The following KAZN variants were observed in gnomAD, a reference collection of about 807,000 sequenced individuals.
KAZN encodes the protein kazrin.
In KAZN, 40 loss-of-function variants were observed where a neutral mutation model predicts 87.4. That is an observed-to-expected ratio of 0.46 (90% CI 0.36 to 0.60). The LOEUF (loss-of-function observed/expected upper bound fraction) is 0.60. Ranked by LOEUF, KAZN falls within the 20% of genes least tolerant of loss-of-function variation. KAZN has a pLI of 0.00. For synonymous variants in KAZN, 466 were observed against 458.3 expected (o/e 1.02, Z -0.22); for missense variants, 898 against 1,073.9 (o/e 0.84, Z 2.29).
chr1:14,379,945 T>C lies in KAZN; in HGVS notation c.249+199353T>C, dbSNP rs911772744. ...GACCCAGTGTTATGCTGGCTTCAGG[T>C]CTAACCCAGCACAGTCCCGGTGGTG... On this transcript the variant is annotated intron_variant, in intron 2 of 16. Coordinates refer to the KAZN transcript ENST00000636203. Among the ~76,000 whole-genome samples, 5 of 152,200 alleles carry C rather than the reference T, an allele frequency of 3.3e-5. No homozygotes were observed. The East Asian group carries it at 9.7e-4, about 29-fold the overall frequency.
rs1553148134 is a variant in KAZN at position 14,867,724 on chromosome 1, ACC to A, written c.227-92950_227-92949del. ...TGCTTTACTCGGTGTCTTTGAAGAC[ACC>A]CCCCCCCCCACCCTGGGCATGGAGG... is the stretch of plus-strand genomic sequence containing the variant. On this transcript the variant is annotated intron_variant, in intron 1 of 14. Transcript: ENST00000376030. Among the ~76,000 whole-genome samples the A allele has an allele frequency of 7.1e-4, 76 of 107,442 alleles. 1 individual carries two copies. Among genetic ancestry groups the A allele is most frequent in the African/African-American group, 2.2e-3 (59 of 26,966 alleles). 70.5% of individuals were successfully genotyped at this position (107,442 alleles called of 152,430 possible).
At chr1:13,906,110 A>T (rs575777039) in intron 1 of KAZN, among the ~76,000 whole-genome samples, 3 of 152,248 alleles carry the variant, frequency 2.0e-5, no homozygotes, top group African/African-American at 7.2e-5. Flanking sequence ...AGCTTCAATC[A>T]CATCATTTGA....
Position 13,986,216 on chromosome 1 carries a change from C to T in KAZN, c.91+92460C>T, listed in dbSNP as rs116822370. On this transcript the variant is annotated intron_variant, in intron 1 of 16. Transcript: ENST00000636203. ...ATGAAAGGATGTCAAAATTTGATCA[C>T]GACATAAGATGATAAAACTGTAAAT... 5.3e-3 allele frequency among the ~76,000 whole-genome samples: 807 copies of T among 152,180 alleles called. 11 individuals carry two copies. Among genetic ancestry groups the T allele is most frequent in the African/African-American group, 0.018 (767 of 41,500 alleles).
chr1:14,485,945 G>A (rs1410827864), intron 2 of KAZN, among the ~76,000 whole-genome samples: 4 of 151,090 alleles, frequency 2.6e-5, no homozygotes, highest in African/African-American at 9.7e-5. Flanking sequence ...ACTGCCCTGA[G>A]CAGCTACTCT....
At chr1:13,923,965 T>A (rs1570290701) in intron 1 of KAZN, among the ~76,000 whole-genome samples, 1 of 151,620 alleles carries the variant, frequency 6.6e-6, no homozygotes, top group East Asian at 1.9e-4. Context: ...GGGTCTCCCC[T>A]GGATGGCCCG....
At chr1:15,060,037 G>C (rs528538730) in intron 5 of KAZN, 135 bp from the exon 6 acceptor site, 28 of 1,179,010 alleles carry the variant, frequency 2.4e-5, no homozygotes, top group Non-Finnish European at 3.3e-5. Flanking sequence ...TGGAGAACCA[G>C]GCAAGTCTCT....
At chr1:14,565,086 C>T (rs1674478411) in intron 2 of KAZN, among the ~76,000 whole-genome samples, 1 of 152,140 alleles carries the variant, frequency 6.6e-6, no homozygotes, top group African/African-American at 2.4e-5. Context: ...GCCTACCCAC[C>T]TCCTAGCTTG....
At chr1:14,281,130 T>A (rs891387391) in intron 2 of KAZN, among the ~76,000 whole-genome samples, 17 of 152,208 alleles carry the variant, frequency 1.1e-4, no homozygotes, top group African/African-American at 4.1e-4. Context: ...CACTATGCCA[T>A]GTCAAGAGGC....
intron 2 of KAZN, among the ~76,000 whole-genome samples, chr1:14,460,598 C>A (rs1461802763): frequency 6.6e-6 from 1 of 152,192 alleles, no homozygotes; most frequent in Non-Finnish European, 1.5e-5. Flanking sequence ...CTCCTCTCCT[C>A]CTCTATGACA....
chr1:14,180,191 G>A (rs926590935), intron 1 of KAZN, among the ~76,000 whole-genome samples: 3 of 152,020 alleles, frequency 2.0e-5, no homozygotes, highest in African/African-American at 4.8e-5. Flanking sequence ...ACCATGTCAG[G>A]CTTTGCTCAC....
At chr1:13,954,297 G>A (rs982932693) in intron 1 of KAZN, among the ~76,000 whole-genome samples, 3 of 152,196 alleles carry the variant, frequency 2.0e-5, no homozygotes, top group Non-Finnish European at 4.4e-5. Context: ...GTCTGCATTG[G>A]CATTGCTTCC....
intron 1 of KAZN, among the ~76,000 whole-genome samples, chr1:14,839,988 C>G (rs370124428): frequency 6.4e-4 from 98 of 152,172 alleles, no homozygotes; most frequent in African/African-American, 2.3e-3. Flanking sequence ...CTTGCCTGTC[C>G]CTCTAGGAGC....
At chr1:14,851,705 G>T (rs1475949086) in intron 1 of KAZN, among the ~76,000 whole-genome samples, 1 of 152,250 alleles carries the variant, frequency 6.6e-6, no homozygotes, top group Non-Finnish European at 1.5e-5. Context: ...CAGCCATGAA[G>T]TGGGATGGCA....
chr1:14,504,235 A>C (rs899087804), intron 2 of KAZN, among the ~76,000 whole-genome samples: 17 of 152,208 alleles, frequency 1.1e-4, no homozygotes, highest in Admixed American at 1.1e-3. Flanking sequence ...GTGTAGAAGG[A>C]AGACTCAGTG....
chr1:14,555,485 A>T (rs570889957), intron 2 of KAZN, among the ~76,000 whole-genome samples: 1 of 152,356 alleles, frequency 6.6e-6, no homozygotes, highest in African/African-American at 2.4e-5. Flanking sequence ...AAGGTGCTAT[A>T]GGAAATAACT....
chr1:15,075,467 C>T (rs892031606), intron 8 of KAZN, among the ~76,000 whole-genome samples: 1 of 152,218 alleles, frequency 6.6e-6, no homozygotes, highest in Non-Finnish European at 1.5e-5. Context: ...CTTTTACTCT[C>T]ATTCGGTGGA....
At chr1:14,237,665 A>T (rs981895621) in intron 2 of KAZN, among the ~76,000 whole-genome samples, 1 of 152,184 alleles carries the variant, frequency 6.6e-6, no homozygotes, top group African/African-American at 2.4e-5. Flanking sequence ...CAAGCAGATT[A>T]TTGACGCAGC....
intron 3 of KAZN, among the ~76,000 whole-genome samples, chr1:15,038,127 G>A (rs1328630619): frequency 1.3e-5 from 2 of 152,252 alleles, no homozygotes; most frequent in Admixed American, 6.5e-5. Context: ...GGTGGCACAC[G>A]CCTGTAGTCC....
intron 1 of KAZN, among the ~76,000 whole-genome samples, chr1:14,644,357 T>TG (rs1680647204): frequency 6.7e-6 from 1 of 148,202 alleles, no homozygotes; most frequent in Admixed American, 6.7e-5. Context: ...GTAAATTTGT[T>TG]TTTTTTTTTT....
Sources: gnomAD v4.1 joint callset for allele counts (sites outside exome capture counted in the v4.1 genomes callset) on GRCh38, gnomAD v4.1.1 for gene constraint, MANE v1.5 for transcripts, NCBI Gene and HGNC (gene_info 2026-07-23, HGNC 2026-07-21) for gene names.